The following ATG7 variants were observed in gnomAD, a reference collection of about 807,000 sequenced individuals.
ATG7 encodes the protein ubiquitin-like modifier-activating enzyme ATG7.
In ATG7, 70 loss-of-function variants were observed where a neutral mutation model predicts 82.4. The observed-to-expected ratio is 0.85, with a 90% confidence interval of 0.70 to 1.04. The LOEUF (loss-of-function observed/expected upper bound fraction) is 1.04, where lower values mean the gene tolerates loss of function less well. ATG7 is among the 50% of genes least tolerant of loss of function. The probability of loss-of-function intolerance (pLI) is 0.00; values close to 1 mark genes in which losing one functional copy is unlikely to be tolerated. For synonymous variants in ATG7, 287 were observed against 313.0 expected, an observed-to-expected ratio of 0.92 and a Z score of 0.88; for missense variants, 792 against 864.3, an observed-to-expected ratio of 0.92 and a Z score of 1.05.
intron 20 of ATG7, among the ~76,000 whole-genome samples, chr3:11,464,516 C>T (rs138997771): frequency 1.3e-5 from 2 of 152,298 alleles, no homozygotes; most frequent in Non-Finnish European, 2.9e-5. Flanking sequence ...AGCCTGGTTC[C>T]TAGGACACCA....
At chr3:11,532,278 CAAG>C (rs1182053849) in intron 20 of ATG7, among the ~76,000 whole-genome samples, 1 of 152,182 alleles carries the variant, frequency 6.6e-6, no homozygotes, top group Non-Finnish European at 1.5e-5. Flanking sequence ...TCGCTGATCT[CAAG>C]GAGCCGGCAC....
intron 20 of ATG7, among the ~76,000 whole-genome samples, chr3:11,521,970 G>A (rs1411486041): frequency 6.6e-6 from 1 of 152,172 alleles, no homozygotes; most frequent in African/African-American, 2.4e-5. Context: ...AACTCTTTAT[G>A]CCGTTGGTCC....
intron 20 of ATG7, among the ~76,000 whole-genome samples, chr3:11,445,397 CT>C (rs1408932281): frequency 6.6e-6 from 1 of 152,108 alleles, no homozygotes; most frequent in African/African-American, 2.4e-5. Flanking sequence ...ATGGATGGAG[CT>C]GGAGGCCTTT....
chr3:11,393,221 T>C (rs1207706749), intron 19 of ATG7, among the ~76,000 whole-genome samples: 1 of 152,152 alleles, frequency 6.6e-6, no homozygotes, highest in African/African-American at 2.4e-5. Context: ...AGCCAACACA[T>C]ATATATATTG....
intron 3 of ATG7, among the ~76,000 whole-genome samples, chr3:11,294,031 A>AAG (rs1553603005): frequency 4.6e-5 from 7 of 150,956 alleles, no homozygotes; most frequent in Non-Finnish European, 2.9e-5. Flanking sequence ...AAAAAAAAAA[A>AAG]AAAGAAAAAG....
chr3:11,366,034 A>G (rs975533592), intron 18 of ATG7, among the ~76,000 whole-genome samples: 2 of 152,072 alleles, frequency 1.3e-5, no homozygotes, highest in African/African-American at 2.4e-5. Context: ...CCTGACCAAC[A>G]TGGTGAAACC....
intron 14 of ATG7, among the ~76,000 whole-genome samples, chr3:11,349,006 T>C (rs1349399827): frequency 6.6e-6 from 1 of 151,670 alleles, no homozygotes; most frequent in Non-Finnish European, 1.5e-5. Flanking sequence ...TGCTGATTGG[T>C]GTGTTTACAA....
intron 9 of ATG7, among the ~76,000 whole-genome samples, chr3:11,316,328 T>C (rs1414012388): frequency 6.6e-6 from 1 of 152,250 alleles, no homozygotes; most frequent in Non-Finnish European, 1.5e-5. Flanking sequence ...CAGCTAATCT[T>C]ATCTATTTTT....
chr3:11,469,414 A>C (rs1003540380), intron 20 of ATG7, among the ~76,000 whole-genome samples: 10 of 151,616 alleles, frequency 6.6e-5, no homozygotes, highest in Non-Finnish European at 2.9e-5. Context: ...GTGCCACTGC[A>C]CTCCGGCCTG....
intron 20 of ATG7, among the ~76,000 whole-genome samples, chr3:11,527,563 CA>C (rs2092611870): frequency 6.6e-6 from 1 of 152,190 alleles, no homozygotes; most frequent in Non-Finnish European, 1.5e-5. Context: ...ATAAACACCT[CA>C]ATTATCAGTA....
intron 6 of ATG7, chr3:11,308,770 C>G: frequency 1.7e-6 from 1 of 585,672 alleles, no homozygotes; most frequent in Non-Finnish European, 3.0e-6. Flanking sequence ...CCTGGGTTCC[C>G]TCACTTGGCT....
Position 11,360,681 on chromosome 3 carries a change from A to G in ATG7, c.1580A>G (p.His527Arg), listed in dbSNP as rs1044629183. 7.4e-5 allele frequency: 119 copies of G among 1,614,002 alleles called. No homozygotes were observed. The highest frequency in any genetic ancestry group is 9.8e-5 in the Non-Finnish European group (116 of 1,180,016). ...QQGAGDLCPN[H>R]PVASADLLGS... is the part of the protein sequence containing the mutation. The stretch of plus-strand genomic sequence containing the variant: ...GGAGCTGGGGACTTGTGTCCAAACC[A>G]CCCTGTGGCATCTGCTGACCTCCTG... The change falls in exon 16 of 21, where the codon CAC (histidine) becomes CGC (arginine). Residue 527 changes from histidine to arginine, a missense_variant. Transcript: ENST00000693202.
chr3:11,566,174 TG>T, the ATG7 span, among the ~76,000 whole-genome samples: 2 of 152,080 alleles, frequency 1.3e-5, no homozygotes, highest in African/African-American at 4.8e-5. Flanking sequence ...ACACACACAA[TG>T]TTACGCATGC....
chr3:11,380,950 C>T (rs139626178), intron 19 of ATG7, among the ~76,000 whole-genome samples: 37 of 152,276 alleles, frequency 2.4e-4, no homozygotes, highest in Non-Finnish European at 4.7e-4. Flanking sequence ...GAAAACTGTA[C>T]TTGGGCTATA....
At chr3:11,456,662 T>C (rs2152992568) in intron 20 of ATG7, among the ~76,000 whole-genome samples, 1 of 152,322 alleles carries the variant, frequency 6.6e-6, no homozygotes, top group East Asian at 1.9e-4. Flanking sequence ...GCCTTATTTC[T>C]TTCTACTCCC....
intron 12 of ATG7, among the ~76,000 whole-genome samples, chr3:11,341,567 C>A (rs1412481105): frequency 1.3e-5 from 2 of 151,990 alleles, no homozygotes; most frequent in Non-Finnish European, 2.9e-5. Context: ...CCTGCCTCAG[C>A]CTCCTGAGTA....
At chr3:11,285,833 T>C (rs1429557975) in intron 3 of ATG7, among the ~76,000 whole-genome samples, 1 of 152,198 alleles carries the variant, frequency 6.6e-6, no homozygotes, top group South Asian at 2.1e-4. Flanking sequence ...TACCTTCTAT[T>C]TATCCATCTC....
chr3:11,478,540 T>G (rs2088533299), intron 20 of ATG7, among the ~76,000 whole-genome samples: 1 of 152,210 alleles, frequency 6.6e-6, no homozygotes, highest in Non-Finnish European at 1.5e-5. Flanking sequence ...AGCCACTATC[T>G]CTGACTATTA....
intron 9 of ATG7, among the ~76,000 whole-genome samples, chr3:11,326,640 T>C (rs1214156891): frequency 6.6e-6 from 1 of 152,194 alleles, no homozygotes; most frequent in Non-Finnish European, 1.5e-5. Flanking sequence ...AATGTGAAGT[T>C]GAAGCGACGA....
Sources: gnomAD v4.1 joint callset for allele counts (sites outside exome capture counted in the v4.1 genomes callset) on GRCh38, gnomAD v4.1.1 for gene constraint, MANE v1.5 for transcripts, NCBI Gene and HGNC (gene_info 2026-07-23, HGNC 2026-07-21) for gene names.